The following SGCZ variants were observed in gnomAD, a reference collection of about 807,000 sequenced individuals.
The protein encoded by SGCZ is sarcoglycan zeta.
A neutral mutation model predicts 41.3 loss-of-function variants in SGCZ; 40 were observed. That is an observed-to-expected ratio of 0.97 (90% CI 0.75 to 1.26). The LOEUF is 1.26. Ranked by LOEUF, SGCZ falls within the 50% of genes most tolerant of loss-of-function variation. The probability of loss-of-function intolerance (pLI) is 0.00; values close to 1 mark genes in which losing one functional copy is unlikely to be tolerated. For missense variants in SGCZ, 552 were observed against 369.8 expected, an observed-to-expected ratio of 1.49 and a Z score of -4.04; for synonymous variants, 206 against 137.5, an observed-to-expected ratio of 1.50 and a Z score of -3.49.
intron 4 of SGCZ, among the ~76,000 whole-genome samples, chr8:14,211,650 G>GGAGA (rs35869144): frequency 0.05 from 7,570 of 150,004 alleles, 201 homozygotes; most frequent in Middle Eastern, 0.11. Flanking sequence ...CAATTAAGCA[G>GGAGA]GAGAGAGAGA....
chr8:14,960,921 C>T (rs1800942984), intron 1 of SGCZ, among the ~76,000 whole-genome samples: 1 of 133,368 alleles, frequency 7.5e-6, no homozygotes, highest in Non-Finnish European at 1.6e-5. Context: ...CTTTCTACTG[C>T]AAGGAAATGG....
intron 4 of SGCZ, among the ~76,000 whole-genome samples, chr8:14,175,996 G>A (rs903165262): frequency 2.6e-5 from 4 of 152,052 alleles, no homozygotes; most frequent in Admixed American, 2.6e-4. Flanking sequence ...GAATCACCGT[G>A]AATCTATTTC....
intron 1 of SGCZ, among the ~76,000 whole-genome samples, chr8:15,201,885 AT>A (rs1800903486): frequency 6.6e-6 from 1 of 152,226 alleles, no homozygotes; most frequent in Non-Finnish European, 1.5e-5. Context: ...TATATAAAAA[AT>A]ATCAAGCCAA....
Position 14,943,752 on chromosome 8 carries a change from C to T in SGCZ, c.39+293833G>A, listed in dbSNP as rs543039703. Among the ~76,000 whole-genome samples, 4 of 152,150 alleles carry T rather than the reference C, an allele frequency of 2.6e-5. No homozygotes were observed. In the South Asian group the frequency reaches 8.3e-4, roughly 32 times the overall value. On this transcript the variant is annotated intron_variant, in intron 1 of 7. Transcript: ENST00000382080. ...TTCCAAACTTCACCCTCAAGTAGGC[C>T]CTGGTTTCTGTTTTTCCCCTCTTTG...
chr8:14,899,225 T>A (rs1378524140), intron 1 of SGCZ, among the ~76,000 whole-genome samples: 1 of 152,174 alleles, frequency 6.6e-6, no homozygotes, highest in African/African-American at 2.4e-5. Context: ...GTAAATCTCA[T>A]ATCCACTTTA....
At chr8:14,345,139 T>C (rs181795975) in intron 2 of SGCZ, among the ~76,000 whole-genome samples, 7 of 152,136 alleles carry the variant, frequency 4.6e-5, no homozygotes, top group Middle Eastern at 3.4e-3. Flanking sequence ...GGAAACTTCA[T>C]AGAAAAGGAT....
At chr8:14,493,321 G>T (rs1277625700) in intron 2 of SGCZ, among the ~76,000 whole-genome samples, 3 of 129,840 alleles carry the variant, frequency 2.3e-5, no homozygotes, top group Non-Finnish European at 3.2e-5. Context: ...CTGGACTTTG[G>T]TCTTCTTATT....
At chr8:14,115,686 T>A (rs1563135480) in intron 5 of SGCZ, among the ~76,000 whole-genome samples, 1 of 151,922 alleles carries the variant, frequency 6.6e-6, no homozygotes, top group Non-Finnish European at 1.5e-5. Context: ...TTTTTTTGTA[T>A]AACCCTTTCC....
intron 2 of SGCZ, among the ~76,000 whole-genome samples, chr8:14,400,512 A>T (rs760688120): frequency 2.6e-5 from 4 of 152,146 alleles, no homozygotes; most frequent in Non-Finnish European, 4.4e-5. Context: ...CTAAGGGTCA[A>T]ATTGTTGGGT....
chr8:14,884,632 A>G (rs1804723299), intron 1 of SGCZ, among the ~76,000 whole-genome samples: 1 of 152,162 alleles, frequency 6.6e-6, no homozygotes, highest in South Asian at 2.1e-4. Flanking sequence ...CAGAAAAAAT[A>G]TGATAGAGAT....
chr8:14,409,226 G>A (rs760672373), intron 2 of SGCZ, among the ~76,000 whole-genome samples: 3 of 151,924 alleles, frequency 2.0e-5, no homozygotes, highest in Non-Finnish European at 2.9e-5. Context: ...AAATTAATAT[G>A]AGCATGTATA....
chr8:14,947,204 G>T (rs1017975578), intron 1 of SGCZ, among the ~76,000 whole-genome samples: 4 of 152,134 alleles, frequency 2.6e-5, no homozygotes, highest in Non-Finnish European at 5.9e-5. Flanking sequence ...GTAAGCGAAG[G>T]AATGAGCACA....
chr8:14,669,192 C>G (rs1463993345), intron 1 of SGCZ, among the ~76,000 whole-genome samples: 1 of 93,850 alleles, frequency 1.1e-5, no homozygotes, highest in East Asian at 5.0e-4. Context: ...ACACACACTA[C>G]AAATATATAT....
intron 5 of SGCZ, among the ~76,000 whole-genome samples, chr8:14,161,635 C>A (rs189119091): frequency 1.2e-4 from 19 of 152,268 alleles, no homozygotes; most frequent in Admixed American, 1.2e-3. Context: ...TATGTTCCAA[C>A]CTTTTACAAT....
Position 14,324,207 on chromosome 8 carries a change from A to T in SGCZ, c.235-3T>A. The T allele has an allele frequency of 6.2e-7, 1 of 1,602,286 alleles. No individual in the cohort carries two copies. ...ACTCTCAGATTTCCCATACCATCCT[A>T]CAAGCAATGAAATATAGTTCACTTT... On this transcript the variant is annotated splice_polypyrimidine_tract_variant and splice_region_variant and intron_variant, in intron 2 of 7. Coordinates refer to ENST00000382080, the MANE Select transcript of SGCZ (RefSeq NM_139167.4).
At chr8:14,778,244 C>T (rs1800474436) in intron 1 of SGCZ, among the ~76,000 whole-genome samples, 2 of 152,082 alleles carry the variant, frequency 1.3e-5, no homozygotes, top group South Asian at 2.1e-4. Context: ...TATTAGTTAA[C>T]ACAGGCTTTT....
At chr8:15,038,983 C>T (rs1043156979) in intron 1 of SGCZ, among the ~76,000 whole-genome samples, 2 of 151,878 alleles carry the variant, frequency 1.3e-5, no homozygotes, top group Non-Finnish European at 1.5e-5. Context: ...AAAAGATAAA[C>T]GTTGGTGAGA....
intron 1 of SGCZ, among the ~76,000 whole-genome samples, chr8:14,794,353 A>C (rs1801053971): frequency 6.6e-6 from 1 of 152,184 alleles, no homozygotes; most frequent in Non-Finnish European, 1.5e-5. Flanking sequence ...GAGAGAGATG[A>C]GAAAATATAC....
chr8:14,407,060 T>A (rs940860367), intron 2 of SGCZ, among the ~76,000 whole-genome samples: 23 of 130,530 alleles, frequency 1.8e-4, no homozygotes, highest in African/African-American at 6.5e-4. Context: ...AAGTTATGAG[T>A]TTTCCTTTTT....
Sources: allele counts gnomAD v4.1 joint callset (sites outside exome capture counted in the v4.1 genomes callset), GRCh38; gene constraint gnomAD v4.1.1; transcripts MANE v1.5; gene names NCBI Gene and HGNC (gene_info 2026-07-23, HGNC 2026-07-21).